The following FCRL2 variants were observed in gnomAD, a reference collection of about 807,000 sequenced individuals.
FCRL2 encodes the protein Fc receptor like 2.
FCRL2 carries 48 observed loss-of-function variants against 59.8 expected under a neutral mutation model. The observed-to-expected ratio is 0.80, with a 90% CI of 0.64 to 1.02. FCRL2 has a LOEUF of 1.02. Among genes scored for constraint, FCRL2 ranks in the 50% least tolerant of loss-of-function variants. FCRL2 has a pLI of 0.00. For missense variants in FCRL2, 658 were observed against 597.3 expected (o/e 1.10, Z -1.06); for synonymous variants, 251 against 229.5 (o/e 1.09, Z -0.85).
chr1:157,766,616 A>G, intron 7 of FCRL2: 1 of 531,362 alleles, frequency 1.9e-6, no homozygotes, highest in South Asian at 4.7e-5. Flanking sequence ...CAAGCATGGA[A>G]AGAATGTGTA....
intron 7 of FCRL2, among the ~76,000 whole-genome samples, chr1:157,758,239 A>T (rs761555065): frequency 7.9e-5 from 12 of 152,200 alleles, no homozygotes; most frequent in Non-Finnish European, 1.5e-4. Flanking sequence ...ATGAGGCAGG[A>T]GGCTCTGTAA....
chr1:157,762,650 A>G (rs1462863617), intron 7 of FCRL2, among the ~76,000 whole-genome samples: 1 of 152,212 alleles, frequency 6.6e-6, no homozygotes, highest in Non-Finnish European at 1.5e-5. Context: ...TTATAATAAA[A>G]CAGTCTAAAG....
chr1:157,775,516 T>A (rs1404530593), intron 2 of FCRL2, among the ~76,000 whole-genome samples: 1 of 152,234 alleles, frequency 6.6e-6, no homozygotes, highest in Non-Finnish European at 1.5e-5. Context: ...TCAATCTGCA[T>A]GTTATTGCCC....
intron 7 of FCRL2, among the ~76,000 whole-genome samples, chr1:157,764,499 T>G (rs1345008047): frequency 1.3e-5 from 2 of 152,234 alleles, no homozygotes; most frequent in Non-Finnish European, 2.9e-5. Context: ...CAGAACATTT[T>G]GTTCAACAAC....
intron 2 of FCRL2, among the ~76,000 whole-genome samples, chr1:157,774,822 G>A (rs1183366336): frequency 1.3e-5 from 2 of 152,140 alleles, no homozygotes; most frequent in Non-Finnish European, 2.9e-5. Flanking sequence ...CAAGGTGACA[G>A]CAGGATCTGC....
chr1:157,761,447 C>T (rs1649098023), intron 7 of FCRL2, among the ~76,000 whole-genome samples: 1 of 152,030 alleles, frequency 6.6e-6, no homozygotes. Context: ...AAAACCCCAT[C>T]TTTACAAAAA....
intron 7 of FCRL2, among the ~76,000 whole-genome samples, chr1:157,760,834 G>A (rs971262431): frequency 6.7e-5 from 10 of 149,172 alleles, no homozygotes; most frequent in Non-Finnish European, 1.2e-4. Flanking sequence ...AGGAAGGGCT[G>A]CCTATTTGGT....
Position 157,748,908 on chromosome 1 carries a change from C to T in FCRL2, c.1360G>A (p.Asp454Asn), listed in dbSNP as rs766587708. 3 of 1,613,946 alleles carry T rather than the reference C, an allele frequency of 1.9e-6. No homozygotes were observed. Among genetic ancestry groups the T allele is most frequent in the African/African-American group, 1.3e-5 (1 of 75,026 alleles). The change falls in exon 9 of 12, where the codon GAC becomes AAC. Residue 454 changes from aspartate to asparagine, a missense_variant. Asp to Asn is a conservative substitution (Grantham distance 23). Coordinates refer to ENST00000361516, the MANE Select transcript of FCRL2 (RefSeq NM_030764.4). Reference protein sequence around the residue: ...QEFTYSSPTPDMEELQPVYVN... With the variant: ...QEFTYSSPTPNMEELQPVYVN... ...TACACTGGCTGCAGCTCCTCCATGT[C>T]TGGGGTTGGGCTTGAATAGGTGAAC...
At chr1:157,773,599 T>C (rs1444573746) in intron 2 of FCRL2, among the ~76,000 whole-genome samples, 1 of 152,188 alleles carries the variant, frequency 6.6e-6, no homozygotes, top group African/African-American at 2.4e-5. Flanking sequence ...AATGGGTTTG[T>C]GTGACAGTTT....
chr1:157,771,006 C>T (rs775536877), intron 2 of FCRL2, among the ~76,000 whole-genome samples: 7 of 152,142 alleles, frequency 4.6e-5, no homozygotes, highest in Non-Finnish European at 8.8e-5. Flanking sequence ...TTCGCTCTAC[C>T]GTCACATGAT....
At chr1:157,759,732 A>C (rs1034651335) in intron 7 of FCRL2, among the ~76,000 whole-genome samples, 1 of 152,246 alleles carries the variant, frequency 6.6e-6, no homozygotes, top group Non-Finnish European at 1.5e-5. Context: ...AATGTAAATC[A>C]AAACCCCAAT....
chr1:157,765,985 G>A (rs930338318), intron 7 of FCRL2, among the ~76,000 whole-genome samples: 7 of 152,288 alleles, frequency 4.6e-5, no homozygotes, highest in Non-Finnish European at 8.8e-5. Flanking sequence ...GAGAGGCTGC[G>A]TATATGTGCT....
Position 157,775,807 on chromosome 1 carries a change from T to C in FCRL2, c.32-12A>G, listed in dbSNP as rs779149662. ...TTCAGTGACTGCATCTGTGAGGAGATCAAAAGCCAGAGATTAGCACACAGC... is the reference window on the plus strand; with the variant it reads ...TTCAGTGACTGCATCTGTGAGGAGACCAAAAGCCAGAGATTAGCACACAGC... On this transcript the variant is annotated splice_polypyrimidine_tract_variant and intron_variant, in intron 1 of 11. Coordinates refer to ENST00000361516, the MANE Select transcript of FCRL2 (RefSeq NM_030764.4). 3 of 1,613,696 alleles carry C rather than the reference T, an allele frequency of 1.9e-6. No individual in the cohort carries two copies. The highest frequency in any genetic ancestry group is 2.5e-6 in the Non-Finnish European group (3 of 1,179,886).
chr1:157,771,728 A>G (rs1181971478), intron 2 of FCRL2, among the ~76,000 whole-genome samples: 1 of 152,186 alleles, frequency 6.6e-6, no homozygotes, highest in East Asian at 1.9e-4. Flanking sequence ...ACATCTTCAT[A>G]TTTTATGATT....
intron 2 of FCRL2, among the ~76,000 whole-genome samples, chr1:157,772,890 A>G (rs376571330): frequency 6.6e-6 from 1 of 152,054 alleles, no homozygotes; most frequent in South Asian, 2.1e-4. Context: ...TGCCTCTAGA[A>G]CTCTCTCTCA....
At chr1:157,762,711 AC>A (rs1257859786) in intron 7 of FCRL2, among the ~76,000 whole-genome samples, 4 of 150,070 alleles carry the variant, frequency 2.7e-5, no homozygotes, top group African/African-American at 9.7e-5. Flanking sequence ...GCCTCTAGTC[AC>A]CTATAAAGAA....
In FCRL2 at chr1:157,748,876, A is replaced by G; in HGVS notation, c.1392T>C (p.Asn464=). ...GCCCTTCCCAGTGGAGACACTCACC[A>G]TTGACATACACTGGCTGCAGCTCCT... ...DMEELQPVYV[N]VGSVDVDVVY... Residue 464 remains asparagine (N), a splice_region_variant and synonymous_variant, in exon 9 of 12, where the codon AAT becomes AAC. Coordinates refer to ENST00000361516, the MANE Select transcript of FCRL2 (RefSeq NM_030764.4). 1 of 1,613,166 alleles carries G rather than the reference A, an allele frequency of 6.2e-7. No homozygotes were observed. The highest frequency in any genetic ancestry group is 1.1e-5 in the South Asian group (1 of 91,046).
Position 157,767,310 on chromosome 1 carries a change from T to C in FCRL2, c.1083A>G (p.Glu361=), listed in dbSNP as rs1231484640. Residue 361 remains glutamate (E), a synonymous_variant, in exon 6 of 12, where the codon GAA becomes GAG. Transcript: ENST00000361516. ...GASFNLSLTA[E]HSGNYSCEAN... The stretch of plus-strand genomic sequence containing the variant: ...CCTCACAGGAGTAGTTTCCAGAATG[T>C]TCTGCAGTCAAAGAGAGGTTGAAGG... 4 of 1,614,196 alleles carry C rather than the reference T, an allele frequency of 2.5e-6. No homozygotes were observed. Among genetic ancestry groups the C allele is most frequent in the Non-Finnish European group, 1.7e-6 (2 of 1,180,016 alleles).
chr1:157,768,038 C>T (rs964042914), intron 5 of FCRL2: 14 of 233,784 alleles, frequency 6.0e-5, no homozygotes, highest in African/African-American at 1.4e-4. Context: ...GGTGCAGTTT[C>T]GGCAAGCTAG....
Sources: gnomAD v4.1 joint callset for allele counts (sites outside exome capture counted in the v4.1 genomes callset) on GRCh38, gnomAD v4.1.1 for gene constraint, MANE v1.5 for transcripts, NCBI Gene and HGNC (gene_info 2026-07-23, HGNC 2026-07-21) for gene names.